Variants in NCOA2 observed in about 807,000 individuals in gnomAD.
NCOA2 encodes the protein class E basic helix-loop-helix protein 75.
A neutral mutation model predicts 145.1 loss-of-function variants in NCOA2; 21 were observed. The observed-to-expected ratio is 0.14, with a 90% confidence interval of 0.10 to 0.21. NCOA2 has a LOEUF of 0.21. NCOA2 is among the 10% of genes least tolerant of loss of function. The probability of loss-of-function intolerance (pLI) is 1.00; values close to 1 mark genes in which losing one functional copy is unlikely to be tolerated. For missense variants in NCOA2, 1,472 were observed against 1,837.6 expected, an observed-to-expected ratio of 0.80 and a Z score of 3.64; for synonymous variants, 619 against 637.5, an observed-to-expected ratio of 0.97 and a Z score of 0.44.
At chr8:70,271,830 A>G (rs1484685683) in intron 2 of NCOA2, among the ~76,000 whole-genome samples, 1 of 152,178 alleles carries the variant, frequency 6.6e-6, no homozygotes, top group Non-Finnish European at 1.5e-5. Context: ...TGCAAACACA[A>G]CCTTCTACAC....
At chr8:70,155,931 A>T (rs2132213400) in intron 11 of NCOA2, 40 bp downstream of exon 11, 2 of 1,479,810 alleles carry the variant, frequency 1.4e-6, no homozygotes, top group Non-Finnish European at 1.8e-6. Flanking sequence ...CTTGATGGAT[A>T]CAGATTAGTA....
Position 70,291,498 on chromosome 8 carries a change from C to A in NCOA2, c.-20+5246G>T, listed in dbSNP as rs547925622. On this transcript the variant is annotated intron_variant, in intron 2 of 22. Transcript: ENST00000452400. The stretch of plus-strand genomic sequence containing the variant: ...TCTCTTATACTCCAAGAAACAACAT[C>A]CTTGTGCATTCTGAAAAAAAAATTA... Among the ~76,000 whole-genome samples, 4 of 152,294 alleles carry A rather than the reference C, an allele frequency of 2.6e-5. No individual in the cohort carries two copies. In the South Asian group the frequency reaches 8.3e-4, roughly 32 times the overall value.
At chr8:70,411,357 T>C in the NCOA2 span, among the ~76,000 whole-genome samples, 4 of 152,324 alleles carry the variant, frequency 2.6e-5, no homozygotes, top group African/African-American at 9.6e-5. Context: ...ATGGCATGAA[T>C]GTTTATGTGA....
intron 1 of NCOA2, among the ~76,000 whole-genome samples, chr8:70,383,274 C>T (rs1013278695): frequency 1.3e-5 from 2 of 152,186 alleles, no homozygotes; most frequent in Admixed American, 1.3e-4. Context: ...AACACCTCAC[C>T]AAGGAGGAGC....
chr8:70,280,929 A>G (rs1255297686), intron 2 of NCOA2, among the ~76,000 whole-genome samples: 1 of 151,740 alleles, frequency 6.6e-6, no homozygotes, highest in Admixed American at 6.6e-5. Context: ...CTCTGTGGAG[A>G]GCATGTCACA....
chr8:70,145,655 G>A (rs533972194), intron 12 of NCOA2, among the ~76,000 whole-genome samples: 98 of 141,110 alleles, frequency 6.9e-4, no homozygotes, highest in Non-Finnish European at 1.1e-3. Flanking sequence ...GTCTCACTCT[G>A]TTGTGCCAGC....
chr8:70,162,564 T>C, intron 9 of NCOA2, 147 bp downstream of exon 9: 1 of 724,162 alleles, frequency 1.4e-6, no homozygotes, highest in South Asian at 2.6e-5. Flanking sequence ...CCTGTTAAAT[T>C]TTCCTTTAGA....
At chr8:70,161,859 A>G (rs1355192606) in intron 9 of NCOA2, among the ~76,000 whole-genome samples, 1 of 152,108 alleles carries the variant, frequency 6.6e-6, no homozygotes, top group Middle Eastern at 3.2e-3. Flanking sequence ...CCCTCCCCAA[A>G]TTAGCACATA....
the NCOA2 span, among the ~76,000 whole-genome samples, chr8:70,424,899 G>A: frequency 1.3e-5 from 2 of 152,202 alleles, no homozygotes; most frequent in Admixed American, 6.5e-5. Context: ...TCAAAAGGCA[G>A]CGTGGATCAT....
intron 1 of NCOA2, among the ~76,000 whole-genome samples, chr8:70,314,167 A>G (rs975761373): frequency 1.2e-4 from 16 of 137,388 alleles, no homozygotes; most frequent in African/African-American, 4.2e-4. Flanking sequence ...GCGACAGAGC[A>G]AGACTCTGAC....
chr8:70,450,939 G>A, the NCOA2 span, among the ~76,000 whole-genome samples: 2 of 150,864 alleles, frequency 1.3e-5, no homozygotes, highest in East Asian at 3.9e-4. Context: ...AGAACTGGCT[G>A]GGCACAGTGG....
At chr8:70,455,934 G>C in the NCOA2 span, among the ~76,000 whole-genome samples, 1 of 152,008 alleles carries the variant, frequency 6.6e-6, no homozygotes, top group South Asian at 2.1e-4. Flanking sequence ...TTTATAAAAT[G>C]AAAAAGGTTG....
intron 4 of NCOA2, among the ~76,000 whole-genome samples, chr8:70,181,368 G>T (rs972532454): frequency 6.6e-6 from 1 of 152,182 alleles, no homozygotes; most frequent in African/African-American, 2.4e-5. Flanking sequence ...TGAAGAGGTT[G>T]TAGAAAACGC....
At chr8:70,176,054 G>T (rs369602483) in intron 4 of NCOA2, among the ~76,000 whole-genome samples, 3 of 152,282 alleles carry the variant, frequency 2.0e-5, no homozygotes, top group South Asian at 4.1e-4. Context: ...CAGTCACTAA[G>T]AAGTATGACT....
In NCOA2 at chr8:70,111,778, C is replaced by T; in HGVS notation, c.*1854G>A. On this transcript the variant is annotated 3_prime_UTR_variant, in exon 23 of 23. Coordinates refer to ENST00000452400, the MANE Select transcript of NCOA2 (RefSeq NM_006540.4). ...AAATAGGGGTAGTTTGTACATTTTT[C>T]ACCCTGCCACAAATAAACAAACAAT... The T allele has an allele frequency of 4.6e-6, 1 of 218,644 alleles. No individual in the cohort carries two copies. Among genetic ancestry groups the T allele is most frequent in the Non-Finnish European group, 9.2e-6 (1 of 109,032 alleles). 13.5% of individuals were successfully genotyped at this position (218,644 alleles called of 1,614,324 possible). A position where few individuals can be genotyped will look rare whatever the true frequency, so the allele number is the denominator to read the frequency against.
intron 2 of NCOA2, among the ~76,000 whole-genome samples, chr8:70,242,391 A>G (rs1034927023): frequency 1.3e-5 from 2 of 152,126 alleles, no homozygotes; most frequent in African/African-American, 4.8e-5. Flanking sequence ...ATGTTGTACT[A>G]TATTAGTGAT....
chr8:70,271,406 T>C (rs992937505), intron 2 of NCOA2, among the ~76,000 whole-genome samples: 1 of 152,246 alleles, frequency 6.6e-6, no homozygotes, highest in Non-Finnish European at 1.5e-5. Flanking sequence ...ATGTGAAGAC[T>C]GTGTAATAAG....
intron 4 of NCOA2, among the ~76,000 whole-genome samples, chr8:70,176,510 C>T (rs768764975): frequency 4.6e-5 from 7 of 152,146 alleles, no homozygotes; most frequent in African/African-American, 9.7e-5. Context: ...CCTTCTGAGG[C>T]GGCAAATACC....
the NCOA2 span, among the ~76,000 whole-genome samples, chr8:70,433,147 A>T: frequency 6.6e-6 from 1 of 152,196 alleles, no homozygotes; most frequent in Non-Finnish European, 1.5e-5. Context: ...CCTCCCATCA[A>T]ATTATATGAA....
Sources: allele counts gnomAD v4.1 joint callset (sites outside exome capture counted in the v4.1 genomes callset), GRCh38; gene constraint gnomAD v4.1.1; transcripts MANE v1.5; gene names NCBI Gene and HGNC (gene_info 2026-07-23, HGNC 2026-07-21).